Variants in CDC42SE2 observed in about 807,000 individuals in gnomAD.
CDC42SE2 encodes CDC42 small effector 2.
In CDC42SE2, 3 loss-of-function variants were observed where a neutral mutation model predicts 11.5. The ratio of observed to expected loss-of-function variants is 0.26; its 90% CI spans 0.12 to 0.67. The LOEUF (loss-of-function observed/expected upper bound fraction) is 0.67, where lower values mean the gene tolerates loss of function less well. Among genes scored for constraint, CDC42SE2 ranks in the 30% least tolerant of loss-of-function variants. The pLI, the probability that CDC42SE2 is intolerant of heterozygous loss-of-function variation, is 0.80. For synonymous variants in CDC42SE2, 33 were observed against 34.8 expected, an observed-to-expected ratio of 0.95 and a Z score of 0.18; for missense variants, 82 against 106.8, an observed-to-expected ratio of 0.77 and a Z score of 1.02.
chr5:131,278,880 G>A (rs188245159), intron 1 of CDC42SE2, among the ~76,000 whole-genome samples: 16 of 141,426 alleles, frequency 1.1e-4, no homozygotes, highest in Admixed American at 7.9e-4. Flanking sequence ...TGCCTCCTAG[G>A]TTCAAGTGAT....
intron 1 of CDC42SE2, among the ~76,000 whole-genome samples, chr5:131,302,100 C>T (rs941519254): frequency 2.0e-5 from 3 of 151,942 alleles, no homozygotes; most frequent in Non-Finnish European, 2.9e-5. Context: ...TCTGCCTCCC[C>T]GGCTCAAGCG....
At chr5:131,222,703 A>G in the CDC42SE2 span, among the ~76,000 whole-genome samples, 2 of 152,146 alleles carry the variant, frequency 1.3e-5, no homozygotes, top group African/African-American at 2.4e-5. Context: ...CTCCTTATGC[A>G]GTTGTTTTAT....
chr5:131,304,134 T>C (rs999041255), intron 1 of CDC42SE2, among the ~76,000 whole-genome samples: 1 of 151,972 alleles, frequency 6.6e-6, no homozygotes, highest in Non-Finnish European at 1.5e-5. Context: ...TAATTTATTA[T>C]TATTTTTAAT....
At chr5:131,378,219 G>C (rs1003520811) in intron 3 of CDC42SE2, among the ~76,000 whole-genome samples, 2 of 152,196 alleles carry the variant, frequency 1.3e-5, no homozygotes, top group African/African-American at 4.8e-5. Context: ...CATATAGTTT[G>C]TTGACATTAC....
chr5:131,331,236 A>G (rs1009835630), intron 2 of CDC42SE2, among the ~76,000 whole-genome samples: 7 of 152,154 alleles, frequency 4.6e-5, no homozygotes, highest in African/African-American at 1.7e-4. Flanking sequence ...TACGTACTAT[A>G]TATTTTTTAT....
chr5:131,355,515 A>G (rs1749510687), intron 2 of CDC42SE2, among the ~76,000 whole-genome samples: 2 of 151,998 alleles, frequency 1.3e-5, no homozygotes, highest in South Asian at 4.1e-4. Context: ...AAGAGAGAGA[A>G]GAGAGGGAGA....
At chr5:131,272,073 C>T (rs1757005287) in intron 1 of CDC42SE2, among the ~76,000 whole-genome samples, 3 of 152,060 alleles carry the variant, frequency 2.0e-5, no homozygotes, top group South Asian at 4.1e-4. Flanking sequence ...TGCAGTGGCG[C>T]GATCTTGGCT....
intron 1 of CDC42SE2, among the ~76,000 whole-genome samples, chr5:131,274,103 T>C (rs1757052260): frequency 6.6e-6 from 1 of 152,210 alleles, no homozygotes; most frequent in East Asian, 1.9e-4. Flanking sequence ...AAATGTTATC[T>C]TTAGTCTGGA....
At chr5:131,316,904 C>T (rs1408617520) in intron 2 of CDC42SE2, among the ~76,000 whole-genome samples, 1 of 152,148 alleles carries the variant, frequency 6.6e-6, no homozygotes, top group Non-Finnish European at 1.5e-5. Context: ...TACTCAAAGC[C>T]ATGTTTTTTA....
chr5:131,286,541 G>A (rs547688067), intron 1 of CDC42SE2, among the ~76,000 whole-genome samples: 5 of 151,676 alleles, frequency 3.3e-5, no homozygotes, highest in Non-Finnish European at 7.4e-5. Context: ...TATACTCAGC[G>A]TACAGTTGAC....
chr5:131,368,715 CA>C (rs1350794435), intron 3 of CDC42SE2, among the ~76,000 whole-genome samples: 9 of 152,130 alleles, frequency 5.9e-5, no homozygotes, highest in Admixed American at 2.6e-4. Context: ...CTCTCAGCTT[CA>C]ACAACTTTAA....
At chr5:131,345,827 A>G (rs1294220161) in intron 2 of CDC42SE2, among the ~76,000 whole-genome samples, 1 of 152,250 alleles carries the variant, frequency 6.6e-6, no homozygotes, top group African/African-American at 2.4e-5. Context: ...AAGCCAGAAG[A>G]GAGTGGGGGC....
intron 3 of CDC42SE2, among the ~76,000 whole-genome samples, chr5:131,362,984 T>TA (rs952103024): frequency 1.2e-3 from 174 of 146,610 alleles, no homozygotes; most frequent in South Asian, 6.7e-3. Context: ...CTGTCTCTAC[T>TA]AAAAAAAAAA....
chr5:131,325,708 T>C (rs771787553), intron 2 of CDC42SE2, among the ~76,000 whole-genome samples: 4 of 152,230 alleles, frequency 2.6e-5, no homozygotes, highest in Non-Finnish European at 2.9e-5. Context: ...TCTCATGTTA[T>C]ATGATCAGTA....
chr5:131,303,436 A>G (rs1580741511), intron 1 of CDC42SE2, among the ~76,000 whole-genome samples: 1 of 152,244 alleles, frequency 6.6e-6, no homozygotes, highest in Non-Finnish European at 1.5e-5. Flanking sequence ...AAAAGTGGAA[A>G]GTACTCAAAA....
At chr5:131,268,299 G>T (rs1291823245) in intron 1 of CDC42SE2, among the ~76,000 whole-genome samples, 1 of 151,814 alleles carries the variant, frequency 6.6e-6, no homozygotes, top group Non-Finnish European at 1.5e-5. Context: ...TTGACCTCAG[G>T]TGATCCACCC....
intron 2 of CDC42SE2, among the ~76,000 whole-genome samples, chr5:131,337,682 C>A (rs1373902047): frequency 2.0e-5 from 3 of 152,218 alleles, no homozygotes; most frequent in Non-Finnish European, 4.4e-5. Context: ...GCACCCCTCC[C>A]CCAGCCTCGC....
chr5:131,292,517 G>A (rs1368373932), intron 1 of CDC42SE2, among the ~76,000 whole-genome samples: 3 of 145,148 alleles, frequency 2.1e-5, no homozygotes, highest in Admixed American at 1.4e-4. Flanking sequence ...GCAGTGAGCC[G>A]AGACTGCACT....
chr5:131,257,268 T>A (rs938613443), intron 2 of CDC42SE2, among the ~76,000 whole-genome samples: 9 of 152,062 alleles, frequency 5.9e-5, no homozygotes, highest in Non-Finnish European at 1.2e-4. Flanking sequence ...AAAAAATTAT[T>A]ATTATTTTAG....
Sources: allele counts gnomAD v4.1 joint callset (sites outside exome capture counted in the v4.1 genomes callset), GRCh38; gene constraint gnomAD v4.1.1; transcripts MANE v1.5; gene names NCBI Gene and HGNC (gene_info 2026-07-23, HGNC 2026-07-21).